MRPL1: variants seen among roughly 807,000 people sequenced by gnomAD.
The protein encoded by MRPL1 is mitochondrial ribosomal protein L1, also known as large ribosomal subunit protein uL1m.
In MRPL1, 28 loss-of-function variants were observed where a neutral mutation model predicts 38.0. The ratio of observed to expected loss-of-function variants is 0.74; its 90% CI spans 0.55 to 1.01. The LOEUF (loss-of-function observed/expected upper bound fraction) is 1.01, where lower values mean the gene tolerates loss of function less well. MRPL1 is among the 50% of genes least tolerant of loss of function. The pLI, the probability that MRPL1 is intolerant of heterozygous loss-of-function variation, is 0.00. For synonymous variants in MRPL1, 123 were observed against 126.7 expected (o/e 0.97, Z 0.20); for missense variants, 358 against 389.8 (o/e 0.92, Z 0.69).
At position 77,937,577 on chromosome 4, in the gene MRPL1, G is replaced by A. The variant is rs373953960; in HGVS notation, c.778-12220G>A. Among the ~76,000 whole-genome samples, 7 of 152,316 alleles carry A rather than the reference G, an allele frequency of 4.6e-5. No homozygotes were observed. The South Asian group carries it at 1.4e-3, about 32-fold the overall frequency. Reference sequence around the variant, plus strand: ...CATATAGCACATGTTCAGTCATTCAGTCTCTCCTTCCTGCAGGTACCACCC... The same window carrying A: ...CATATAGCACATGTTCAGTCATTCAATCTCTCCTTCCTGCAGGTACCACCC... On this transcript the variant is annotated intron_variant, in intron 7 of 8. Coordinates refer to ENST00000315567, the MANE Select transcript of MRPL1 (RefSeq NM_020236.4).
chr4:77,936,815 G>A (rs1736992396), intron 7 of MRPL1, among the ~76,000 whole-genome samples: 1 of 152,076 alleles, frequency 6.6e-6, no homozygotes. Context: ...TACGAATGTG[G>A]CATTGTTTAT....
chr4:77,939,931 T>C (rs1737077751), intron 7 of MRPL1, among the ~76,000 whole-genome samples: 1 of 152,188 alleles, frequency 6.6e-6, no homozygotes, highest in Non-Finnish European at 1.5e-5. Flanking sequence ...TACCATGCTG[T>C]TTTGGTGACT....
chr4:77,920,004 A>G (rs775982880), intron 7 of MRPL1, among the ~76,000 whole-genome samples: 1 of 152,170 alleles, frequency 6.6e-6, no homozygotes, highest in Non-Finnish European at 1.5e-5. Context: ...TTGGGGATTA[A>G]TAAAGTTAGG....
chr4:77,869,544 C>G (rs562279113), intron 1 of MRPL1, among the ~76,000 whole-genome samples: 1 of 152,122 alleles, frequency 6.6e-6, no homozygotes, highest in Admixed American at 6.5e-5. Context: ...GTTGTCATGA[C>G]TGATAGTAGT....
chr4:77,906,961 T>G, intron 6 of MRPL1: 1 of 985,172 alleles, frequency 1.0e-6, no homozygotes, highest in Non-Finnish European at 1.2e-6. Context: ...AAACTGCCTA[T>G]GGGTAGTTGC....
intron 7 of MRPL1, among the ~76,000 whole-genome samples, chr4:77,921,713 C>G (rs1396460457): frequency 6.6e-6 from 1 of 151,442 alleles, no homozygotes; most frequent in Non-Finnish European, 1.5e-5. Flanking sequence ...TCCTGAATAT[C>G]TTTACATAAT....
chr4:77,951,461 A>T (rs1229020046), intron 8 of MRPL1, among the ~76,000 whole-genome samples: 2 of 152,216 alleles, frequency 1.3e-5, no homozygotes, highest in African/African-American at 4.8e-5. Context: ...GAGTACAACT[A>T]GTTTGTCTTC....
intron 1 of MRPL1, among the ~76,000 whole-genome samples, chr4:77,867,913 T>C (rs929218274): frequency 1.6e-4 from 24 of 151,498 alleles, no homozygotes; most frequent in South Asian, 6.3e-4. Flanking sequence ...CCCGCCACCA[T>C]GCCTGGCTAA....
At chr4:77,909,179 C>A in intron 6 of MRPL1, 87 bp from the exon 7 acceptor site, 1 of 835,836 alleles carries the variant, frequency 1.2e-6, no homozygotes, top group Non-Finnish European at 2.0e-6. Context: ...TTTGCTATAT[C>A]TTTACATGAG....
At chr4:77,897,537 C>T (rs1445667451) in intron 6 of MRPL1, among the ~76,000 whole-genome samples, 1 of 152,148 alleles carries the variant, frequency 6.6e-6, no homozygotes, top group African/African-American at 2.4e-5. Context: ...AATGTGTATT[C>T]CTCTTAACTT....
intron 7 of MRPL1, among the ~76,000 whole-genome samples, chr4:77,937,248 T>C (rs774284752): frequency 5.9e-5 from 9 of 152,198 alleles, no homozygotes; most frequent in Non-Finnish European, 1.0e-4. Context: ...TAGACAGATC[T>C]CATAGTTCCA....
intron 7 of MRPL1, among the ~76,000 whole-genome samples, chr4:77,927,972 A>G (rs1299210780): frequency 6.6e-6 from 1 of 152,216 alleles, no homozygotes; most frequent in African/African-American, 2.4e-5. Context: ...GATTTCAAAT[A>G]TATTTGGAGC....
At chr4:77,894,028 G>T (rs1735861884) in intron 5 of MRPL1, 111 bp from the exon 6 acceptor site, 7 of 670,130 alleles carry the variant, frequency 1.0e-5, no homozygotes, top group Admixed American at 5.9e-5. Flanking sequence ...GAAAAGAATT[G>T]TGCTTAATGT....
intron 7 of MRPL1, among the ~76,000 whole-genome samples, chr4:77,925,461 C>T (rs1736694062): frequency 6.6e-6 from 1 of 151,734 alleles, no homozygotes; most frequent in Non-Finnish European, 1.5e-5. Flanking sequence ...ACACCGTTCT[C>T]CTGCCTCAGC....
At chr4:77,891,711 A>G (rs964786502) in intron 5 of MRPL1, among the ~76,000 whole-genome samples, 10 of 152,260 alleles carry the variant, frequency 6.6e-5, no homozygotes, top group African/African-American at 2.2e-4. Context: ...TTACCTCTCA[A>G]GAAAGAAATG....
At chr4:77,863,667 A>G (rs917679867) in intron 1 of MRPL1, among the ~76,000 whole-genome samples, 6 of 152,146 alleles carry the variant, frequency 3.9e-5, no homozygotes, top group African/African-American at 1.4e-4. Context: ...GGGTTTCACC[A>G]TGTTGACCAG....
chr4:77,951,207 T>C (rs1403959857), intron 8 of MRPL1, among the ~76,000 whole-genome samples: 2 of 152,254 alleles, frequency 1.3e-5, no homozygotes, highest in Non-Finnish European at 2.9e-5. Context: ...CTTAACGTTG[T>C]TCTTATGAAA....
At chr4:77,899,231 T>C (rs929076333) in intron 6 of MRPL1, among the ~76,000 whole-genome samples, 7 of 150,468 alleles carry the variant, frequency 4.7e-5, no homozygotes, top group African/African-American at 1.7e-4. Flanking sequence ...GGTCTTGAAC[T>C]CATGAGCTCA....
rs1303168390 is a variant in MRPL1, at chr4:77,952,571, A to G, written c.942A>G (p.Glu314=). The change falls in exon 9 of 9, where the codon GAA becomes GAG. Residue 314 remains glutamate, a synonymous_variant. Coordinates refer to ENST00000315567, the MANE Select transcript of MRPL1 (RefSeq NM_020236.4). ...LLKIDPLLPK[E]VKNEESEKED... is the part of the protein sequence containing the mutation. ...AGATTGATCCATTGTTGCCTAAAGA[A>G]GTAAAAAATGAAGAAAGTGAAAAAG... The G allele has an allele frequency of 1.9e-6, 3 of 1,612,538 alleles. No homozygotes were observed. Among genetic ancestry groups the G allele is most frequent in the African/African-American group, 1.3e-5 (1 of 74,996 alleles).
Sources: gnomAD v4.1 joint callset for allele counts (sites outside exome capture counted in the v4.1 genomes callset) on GRCh38, gnomAD v4.1.1 for gene constraint, MANE v1.5 for transcripts, NCBI Gene and HGNC (gene_info 2026-07-23, HGNC 2026-07-21) for gene names.